Variants in SPRED2 observed in about 807,000 individuals in gnomAD.
The protein encoded by SPRED2 is sprouty-related, EVH1 domain-containing protein 2.
A neutral mutation model predicts 43.0 loss-of-function variants in SPRED2; 47 were observed. That is an observed-to-expected ratio of 1.09 (90% CI 0.87 to 1.40). The LOEUF (loss-of-function observed/expected upper bound fraction) is 1.40, where lower values mean the gene tolerates loss of function less well. Among genes scored for constraint, SPRED2 ranks in the 40% most tolerant of loss-of-function variants. The pLI, the probability that SPRED2 is intolerant of heterozygous loss-of-function variation, is 0.00. For missense variants in SPRED2, 561 were observed against 586.4 expected (o/e 0.96, Z 0.45); for synonymous variants, 225 against 225.7 (o/e 1.00, Z 0.03).
At chr2:65,355,145 A>T (rs1015942566) in intron 1 of SPRED2, among the ~76,000 whole-genome samples, 1 of 152,208 alleles carries the variant, frequency 6.6e-6, no homozygotes, top group Non-Finnish European at 1.5e-5. Context: ...TAATTTTCTC[A>T]TCCTGGGGGA....
chr2:65,380,783 ACAGACGTATGTGTT>A (rs1675354003), intron 1 of SPRED2: 1 of 152,188 alleles, frequency 6.6e-6, no homozygotes, highest in Non-Finnish European at 1.5e-5. Context: ...ACATTCAAAT[ACAGACGTATGTGTT>A]CAGATGCAAA....
At chr2:65,390,954 G>A (rs956531311) in intron 1 of SPRED2, among the ~76,000 whole-genome samples, 3 of 151,986 alleles carry the variant, frequency 2.0e-5, no homozygotes, top group Middle Eastern at 6.8e-3. Flanking sequence ...TGGGTGTGGG[G>A]GTGCATGCCT....
intron 1 of SPRED2, among the ~76,000 whole-genome samples, chr2:65,410,868 C>T (rs77999640): frequency 0.031 from 4,777 of 152,144 alleles, 108 homozygotes; most frequent in South Asian, 0.052. Context: ...TATCGTGAGA[C>T]GGGAAGGAGC....
In SPRED2 at chr2:65,367,396, C is replaced by CTAT. The variant is rs1443619241; in HGVS notation, c.27-22501_27-22500insATA. Among the ~76,000 whole-genome samples the CTAT allele has an allele frequency of 4.6e-5, 7 of 151,986 alleles. No homozygotes were observed. The East Asian group carries it at 1.3e-3, about 29-fold the overall frequency. On this transcript the variant is annotated intron_variant, in intron 1 of 5. Coordinates refer to ENST00000356388, the MANE Select transcript of SPRED2 (RefSeq NM_181784.3). ...GATAAATGGTTGCATCTGTGTAGTG[C>CTAT]GTATATGCAGGCTGACTGTATTTCT...
rs534808621 is a variant in SPRED2 at position 65,406,898 on chromosome 2, C to T, written c.26+25064G>A. 7.4e-4 allele frequency among the ~76,000 whole-genome samples: 113 copies of T among 152,168 alleles called. 1 individual carries two copies. The highest frequency in any genetic ancestry group is 2.6e-3 in the African/African-American group (108 of 41,534). ...TTGGAGGCTCAGGCAGGGCTCTGGT[C>T]CAAGTTACTGGACAGTGGAAAGTTT... On this transcript the variant is annotated intron_variant, in intron 1 of 5. Coordinates refer to ENST00000356388, the MANE Select transcript of SPRED2 (RefSeq NM_181784.3).
At chr2:65,354,933 C>A (rs571322582) in intron 1 of SPRED2, among the ~76,000 whole-genome samples, 12 of 152,298 alleles carry the variant, frequency 7.9e-5, no homozygotes, top group African/African-American at 2.9e-4. Context: ...ATATGTTCTT[C>A]TTGTGCAAGT....
At chr2:65,411,356 C>T (rs1676154543) in intron 1 of SPRED2, among the ~76,000 whole-genome samples, 3 of 152,020 alleles carry the variant, frequency 2.0e-5, no homozygotes, top group Admixed American at 6.6e-5. Flanking sequence ...GGTGGGAGGG[C>T]GATTGAATTG....
intron 4 of SPRED2, among the ~76,000 whole-genome samples, chr2:65,327,713 C>CTTTTTTTTTTTTTTTTTTTTT (rs555549300): frequency 1.3e-5 from 1 of 74,446 alleles, no homozygotes; most frequent in African/African-American, 5.1e-5. Flanking sequence ...TTCTTTCTTT[C>CTTTTTTTTTTTTTTTTTTTTT]TTTTTTTTTT....
At chr2:65,376,917 T>C (rs1675254227) in intron 1 of SPRED2, among the ~76,000 whole-genome samples, 1 of 152,158 alleles carries the variant, frequency 6.6e-6, no homozygotes, top group Non-Finnish European at 1.5e-5. Context: ...GGTTTCACCG[T>C]GTTAGCCAGG....
chr2:65,401,937 G>GCGCACACACACACACACA (rs776512353), intron 1 of SPRED2, among the ~76,000 whole-genome samples: 76 of 114,756 alleles, frequency 6.6e-4, no homozygotes, highest in African/African-American at 2.1e-3. Context: ...GCGCGCGCGC[G>GCGCACACACACACACACA]CACACACACA....
At chr2:65,376,863 C>T (rs1486923874) in intron 1 of SPRED2, among the ~76,000 whole-genome samples, 5 of 152,118 alleles carry the variant, frequency 3.3e-5, no homozygotes, top group South Asian at 2.1e-4. Flanking sequence ...TACAGACGCC[C>T]GCCACCATGC....
At chr2:65,401,454 T>G (rs1474520659) in intron 1 of SPRED2, among the ~76,000 whole-genome samples, 1 of 152,014 alleles carries the variant, frequency 6.6e-6, no homozygotes, top group Admixed American at 6.6e-5. Flanking sequence ...ATACCATTTT[T>G]TTTTTCCTGG....
chr2:65,372,490 G>A (rs1224095474), intron 1 of SPRED2, among the ~76,000 whole-genome samples: 2 of 152,164 alleles, frequency 1.3e-5, no homozygotes, highest in Non-Finnish European at 2.9e-5. Flanking sequence ...GCTGATGGGA[G>A]GCCAGGTGTC....
At chr2:65,386,669 A>C (rs59173238) in intron 1 of SPRED2, among the ~76,000 whole-genome samples, 24,586 of 152,198 alleles carry the variant, frequency 0.16, 2,387 homozygotes, top group Non-Finnish European at 0.2. Context: ...TTTATAGAGG[A>C]AGAGAGATCA....
At chr2:65,347,934 C>T (rs1331840897) in intron 1 of SPRED2, among the ~76,000 whole-genome samples, 1 of 152,104 alleles carries the variant, frequency 6.6e-6, no homozygotes, top group African/African-American at 2.4e-5. Context: ...GCTGCAGTAG[C>T]CTTCTAACTG....
rs969657576 is a variant in SPRED2, at chr2:65,313,317, G to T, written c.*184C>A. 6 of 1,442,792 alleles carry T rather than the reference G, an allele frequency of 4.2e-6. No individual in the cohort carries two copies. The highest frequency in any genetic ancestry group is 5.4e-6 in the Non-Finnish European group (6 of 1,105,642). 89.4% of individuals were successfully genotyped at this position (1,442,792 alleles called of 1,614,324 possible). ...GTGGCTGCTGCAGTGTGGGCGGCAG[G>T]GGGAGTGGAGAGTCTACCCGGCAGC... is the stretch of plus-strand genomic sequence containing the variant. On this transcript the variant is annotated 3_prime_UTR_variant, in exon 6 of 6. Coordinates refer to ENST00000356388, the MANE Select transcript of SPRED2 (RefSeq NM_181784.3).
chr2:65,321,714 T>G (rs1018507127), intron 4 of SPRED2, among the ~76,000 whole-genome samples: 1 of 152,128 alleles, frequency 6.6e-6, no homozygotes, highest in Non-Finnish European at 1.5e-5. Context: ...ATCTGTAAAA[T>G]TGGGCCAAAA....
intron 4 of SPRED2, among the ~76,000 whole-genome samples, chr2:65,330,742 T>G (rs986322012): frequency 7.2e-5 from 11 of 152,218 alleles, no homozygotes; most frequent in Admixed American, 1.3e-4. Context: ...GTAGTGTCAC[T>G]GCCCTTAAAT....
At chr2:65,386,309 G>T in intron 1 of SPRED2, among the ~76,000 whole-genome samples, 1 of 80,124 alleles carries the variant, frequency 1.2e-5, no homozygotes, top group Non-Finnish European at 2.9e-5. Context: ...AAAAAAGAAA[G>T]CACTGGTATC....
Sources: allele counts gnomAD v4.1 joint callset (sites outside exome capture counted in the v4.1 genomes callset), GRCh38; gene constraint gnomAD v4.1.1; transcripts MANE v1.5; gene names NCBI Gene and HGNC (gene_info 2026-07-23, HGNC 2026-07-21).